Variants in ENTREP2 observed in about 807,000 individuals in gnomAD.
The protein encoded by ENTREP2 is protein ENTREP2.
the ENTREP2 span, among the ~76,000 whole-genome samples, chr15:29,377,276 A>T: frequency 8.3e-3 from 1,257 of 152,240 alleles, 10 homozygotes; most frequent in Middle Eastern, 0.031. Context: ...CTCACACGTC[A>T]TCTGGAAAAC....
At chr15:29,529,467 G>C in the ENTREP2 span, among the ~76,000 whole-genome samples, 63 of 152,030 alleles carry the variant, frequency 4.1e-4, no homozygotes, top group African/African-American at 1.5e-3. Flanking sequence ...CTGGTACCTG[G>C]CTCTGAGGTG....
chr15:29,337,417 A>G, the ENTREP2 span, among the ~76,000 whole-genome samples: 1 of 152,226 alleles, frequency 6.6e-6, no homozygotes. Flanking sequence ...CTTTTTCTGT[A>G]GACATTCCCC....
chr15:29,132,802 G>A, the ENTREP2 span, among the ~76,000 whole-genome samples: 2 of 152,186 alleles, frequency 1.3e-5, no homozygotes, highest in Admixed American at 6.5e-5. Flanking sequence ...GGGCCCTCGG[G>A]AAGCCAGGGT....
chr15:29,567,521 C>T, the ENTREP2 span, among the ~76,000 whole-genome samples: 1 of 152,128 alleles, frequency 6.6e-6, no homozygotes, highest in African/African-American at 2.4e-5. Flanking sequence ...TTGGGTAAGT[C>T]ACTCATCCCT....
the ENTREP2 span, among the ~76,000 whole-genome samples, chr15:29,506,908 T>A: frequency 1.1e-4 from 17 of 152,246 alleles, no homozygotes; most frequent in South Asian, 6.2e-4. Context: ...CATAATAATA[T>A]TAACCTTAAA....
the ENTREP2 span, among the ~76,000 whole-genome samples, chr15:29,275,098 C>CT: frequency 6.6e-6 from 1 of 152,270 alleles, no homozygotes; most frequent in African/African-American, 2.4e-5. Context: ...CTTCTTGCAT[C>CT]TGCTATTTTT....
chr15:29,485,430 GA>G, the ENTREP2 span, among the ~76,000 whole-genome samples: 4 of 152,166 alleles, frequency 2.6e-5, no homozygotes, highest in African/African-American at 9.7e-5. Context: ...GCTGCTGAAG[GA>G]CTGATTCAAG....
chr15:29,421,677 C>G, the ENTREP2 span, among the ~76,000 whole-genome samples: 1 of 152,162 alleles, frequency 6.6e-6, no homozygotes, highest in Non-Finnish European at 1.5e-5. Context: ...AACTACGTAA[C>G]ACTAGCATCT....
chr15:29,328,801 T>C, the ENTREP2 span, among the ~76,000 whole-genome samples: 1 of 152,202 alleles, frequency 6.6e-6, no homozygotes, highest in Non-Finnish European at 1.5e-5. Flanking sequence ...GACATCACTA[T>C]GAACTCATGT....
chr15:29,410,826 C>T, the ENTREP2 span, among the ~76,000 whole-genome samples: 1 of 152,204 alleles, frequency 6.6e-6, no homozygotes, highest in East Asian at 1.9e-4. Context: ...TGCTCTGTTG[C>T]CCAGGCTGGA....
At chr15:29,435,903 C>G in the ENTREP2 span, among the ~76,000 whole-genome samples, 1 of 152,034 alleles carries the variant, frequency 6.6e-6, no homozygotes, top group Non-Finnish European at 1.5e-5. Context: ...GTTGCTCATG[C>G]TATTTTTATG....
chr15:29,149,852 A>C, the ENTREP2 span, among the ~76,000 whole-genome samples: 1 of 152,146 alleles, frequency 6.6e-6, no homozygotes, highest in Non-Finnish European at 1.5e-5. Flanking sequence ...CCCGTCACAG[A>C]CCGGAAAGGA....
chr15:29,272,934 C>G, the ENTREP2 span, among the ~76,000 whole-genome samples: 1 of 152,116 alleles, frequency 6.6e-6, no homozygotes, highest in Non-Finnish European at 1.5e-5. Flanking sequence ...GGAAGAACTG[C>G]TGGTCAATTG....
At chr15:29,545,950 G>A in the ENTREP2 span, among the ~76,000 whole-genome samples, 1 of 152,186 alleles carries the variant, frequency 6.6e-6, no homozygotes, top group Non-Finnish European at 1.5e-5. Context: ...AGGACTTAAA[G>A]GATATGTAAT....
the ENTREP2 span, among the ~76,000 whole-genome samples, chr15:29,507,270 A>G: frequency 0.032 from 4,848 of 152,280 alleles, 252 homozygotes; most frequent in African/African-American, 0.11. Context: ...GTTCTTAGAG[A>G]CCTAGAAAGA....
the ENTREP2 span, among the ~76,000 whole-genome samples, chr15:29,243,811 A>G: frequency 2.6e-5 from 4 of 152,242 alleles, no homozygotes; most frequent in Admixed American, 2.0e-4. Flanking sequence ...GAAAACACGA[A>G]TAACATAATG....
the ENTREP2 span, among the ~76,000 whole-genome samples, chr15:29,408,050 G>A: frequency 6.6e-6 from 1 of 152,098 alleles, no homozygotes; most frequent in East Asian, 1.9e-4. Context: ...AAATCTGAGG[G>A]ACCCTACACG....
chr15:29,630,123 A>C, the ENTREP2 span, among the ~76,000 whole-genome samples: 1 of 152,152 alleles, frequency 6.6e-6, no homozygotes, highest in Admixed American at 6.6e-5. Context: ...CTCAAAAATT[A>C]AAATAAATAA....
the ENTREP2 span, among the ~76,000 whole-genome samples, chr15:29,584,997 G>GATA: frequency 6.6e-6 from 1 of 150,592 alleles, no homozygotes; most frequent in African/African-American, 2.4e-5. Context: ...AAAGATCGAT[G>GATA]GATAGATAGA....
Sources: allele counts gnomAD v4.1 joint callset (sites outside exome capture counted in the v4.1 genomes callset), GRCh38; gene constraint gnomAD v4.1.1; transcripts MANE v1.5; gene names NCBI Gene and HGNC (gene_info 2026-07-23, HGNC 2026-07-21).